Variants in IFT80 observed in about 807,000 individuals in gnomAD.
IFT80 encodes the protein intraflagellar transport protein 80 homolog.
In IFT80, 79 loss-of-function variants were observed where a neutral mutation model predicts 107.9. That is an observed-to-expected ratio of 0.73 (90% CI 0.61 to 0.88). The LOEUF is 0.88. Ranked by LOEUF, IFT80 falls within the 40% of genes least tolerant of loss-of-function variation. The pLI, the probability that IFT80 is intolerant of heterozygous loss-of-function variation, is 0.00. For missense variants in IFT80, 797 were observed against 914.2 expected, an observed-to-expected ratio of 0.87 and a Z score of 1.65; for synonymous variants, 299 against 300.9, an observed-to-expected ratio of 0.99 and a Z score of 0.07.
intron 19 of IFT80, among the ~76,000 whole-genome samples, chr3:160,261,879 T>C (rs1712870191): frequency 1.3e-5 from 2 of 151,446 alleles, no homozygotes; most frequent in South Asian, 4.2e-4. Context: ...CATGGTGACA[T>C]GCAGAAGTAC....
intron 1 of IFT80, among the ~76,000 whole-genome samples, chr3:160,397,647 T>C (rs1457576977): frequency 6.6e-6 from 1 of 152,066 alleles, no homozygotes; most frequent in Non-Finnish European, 1.5e-5. Flanking sequence ...GGGATTCTGT[T>C]TTCTATATTA....
At chr3:160,327,077 T>C (rs1182400211) in intron 8 of IFT80, among the ~76,000 whole-genome samples, 1 of 151,862 alleles carries the variant, frequency 6.6e-6, no homozygotes, top group Admixed American at 6.6e-5. Context: ...CATTCACAAC[T>C]GTCACAAAAA....
intron 9 of IFT80, among the ~76,000 whole-genome samples, chr3:160,311,288 AAAAGACTTAAGAG>A (rs1717229393): frequency 6.6e-6 from 1 of 152,252 alleles, no homozygotes. Flanking sequence ...TTCAGATTTA[AAAAGACTTAAGAG>A]ACAAATTAAA....
chr3:160,345,080 C>T (rs1246981699), intron 8 of IFT80, among the ~76,000 whole-genome samples: 3 of 152,074 alleles, frequency 2.0e-5, no homozygotes, highest in African/African-American at 7.2e-5. Context: ...CCAAGCAATC[C>T]CACTGCTAGG....
chr3:160,287,216 T>C (rs1222872963), intron 12 of IFT80, among the ~76,000 whole-genome samples: 2 of 152,156 alleles, frequency 1.3e-5, no homozygotes, highest in Middle Eastern at 3.2e-3. Flanking sequence ...ATAATAAAAC[T>C]GTAATAATAA....
At chr3:160,372,188 T>C (rs1448578912) in intron 5 of IFT80, among the ~76,000 whole-genome samples, 1 of 152,178 alleles carries the variant, frequency 6.6e-6, no homozygotes, top group Admixed American at 6.5e-5. Flanking sequence ...ATAGACAAAG[T>C]CACATGGATG....
rs1019438136 is a variant in IFT80, at chr3:160,399,222, T to C, written c.-123A>G. ...CCGTCACCATAGTGACTTCTAAGAG[T>C]TACGCTCCCTTCCTCTTCCCGCGAT... On this transcript the variant is annotated 5_prime_UTR_variant, in exon 1 of 20. Transcript: ENST00000326448. 1.3e-5 allele frequency: 2 copies of C among 152,146 alleles called. No individual in the cohort carries two copies. The highest frequency in any genetic ancestry group is 4.8e-5 in the African/African-American group (2 of 41,410). 9.4% of individuals were successfully genotyped at this position (152,146 alleles called of 1,614,324 possible).
intron 9 of IFT80, among the ~76,000 whole-genome samples, chr3:160,315,088 GGAA>G (rs1717708136): frequency 8.2e-6 from 1 of 122,348 alleles, no homozygotes; most frequent in Non-Finnish European, 1.8e-5. Flanking sequence ...AGGGAGGGAG[GGAA>G]AAAGAGAGAG....
intron 12 of IFT80, among the ~76,000 whole-genome samples, chr3:160,299,729 G>C (rs539729356): frequency 6.6e-6 from 1 of 151,998 alleles, no homozygotes; most frequent in African/African-American, 2.4e-5. Context: ...CCTCTCTCCC[G>C]AGCCTTGGAC....
chr3:160,311,938 A>G (rs1427099264), intron 9 of IFT80, among the ~76,000 whole-genome samples: 2 of 151,744 alleles, frequency 1.3e-5, no homozygotes, highest in Non-Finnish European at 2.9e-5. Flanking sequence ...CCGCCACCAC[A>G]CCCGGCTAAT....
At chr3:160,368,910 A>G (rs1722046745) in intron 5 of IFT80, among the ~76,000 whole-genome samples, 1 of 151,962 alleles carries the variant, frequency 6.6e-6, no homozygotes, top group South Asian at 2.1e-4. Context: ...ATAATTCAGT[A>G]AATACAACTC....
At chr3:160,284,153 G>A (rs1231546453) in intron 13 of IFT80, among the ~76,000 whole-genome samples, 9 of 152,060 alleles carry the variant, frequency 5.9e-5, no homozygotes, top group Non-Finnish European at 1.5e-5. Flanking sequence ...AGTGTGACAT[G>A]TAGAAGACAC....
Position 160,280,657 on chromosome 3 carries a change from A to C in IFT80, c.1664+10T>G, listed in dbSNP as rs2108231299. 1 of 1,608,264 alleles carries C rather than the reference A, an allele frequency of 6.2e-7. No homozygotes were observed. Among genetic ancestry groups the C allele is most frequent in the Non-Finnish European group, 8.5e-7 (1 of 1,175,234 alleles). ...ACTACAAAACAGAATTATACGCAGT[A>C]AAATGTTACCTTGCATCCCTTTCAT... On this transcript the variant is annotated intron_variant, in intron 15 of 19. Coordinates refer to ENST00000326448, the MANE Select transcript of IFT80 (RefSeq NM_020800.3).
At chr3:160,299,703 A>G (rs1716263387) in intron 12 of IFT80, among the ~76,000 whole-genome samples, 1 of 152,058 alleles carries the variant, frequency 6.6e-6, no homozygotes, top group African/African-American at 2.4e-5. Context: ...CACCAAATTT[A>G]TATCTCTAGT....
At chr3:160,329,139 T>C (rs1240621142) in intron 8 of IFT80, among the ~76,000 whole-genome samples, 1 of 152,210 alleles carries the variant, frequency 6.6e-6, no homozygotes, top group Non-Finnish European at 1.5e-5. Flanking sequence ...CCTGCATGTG[T>C]ACCCCTGAAC....
rs551463934 is a variant in IFT80 at position 160,317,360 on chromosome 3, C to T, written c.957+2400G>A. ...ATAAATATTATTTTAAACACAAAGA[C>T]AATTTAGATTAGATAAGCCATTTAA... On this transcript the variant is annotated intron_variant, in intron 9 of 19. Coordinates refer to ENST00000326448, the MANE Select transcript of IFT80 (RefSeq NM_020800.3). Among the ~76,000 whole-genome samples the T allele has an allele frequency of 1.2e-4, 19 of 152,114 alleles. No individual in the cohort carries two copies. In the South Asian group the frequency reaches 3.5e-3, roughly 28 times the overall value.
At chr3:160,292,050 C>A (rs1018791385) in intron 12 of IFT80, among the ~76,000 whole-genome samples, 7 of 152,170 alleles carry the variant, frequency 4.6e-5, no homozygotes, top group Non-Finnish European at 8.8e-5. Flanking sequence ...AGGGCAGATT[C>A]CCTCAGAGGA....
intron 18 of IFT80, among the ~76,000 whole-genome samples, chr3:160,273,471 G>A: frequency 6.6e-6 from 1 of 152,142 alleles, no homozygotes; most frequent in East Asian, 1.9e-4. Flanking sequence ...GTAGTGAAGT[G>A]GATGAGTGTT....
chr3:160,371,696 G>A (rs923745409), intron 5 of IFT80, among the ~76,000 whole-genome samples: 21 of 152,080 alleles, frequency 1.4e-4, no homozygotes, highest in African/African-American at 4.8e-4. Context: ...GCCCACTTCA[G>A]CCTCTCAAGT....
Sources: allele counts gnomAD v4.1 joint callset (sites outside exome capture counted in the v4.1 genomes callset), GRCh38; gene constraint gnomAD v4.1.1; transcripts MANE v1.5; gene names NCBI Gene and HGNC (gene_info 2026-07-23, HGNC 2026-07-21).